The following LAMA2 variants were observed in gnomAD, a reference collection of about 807,000 sequenced individuals.
LAMA2 encodes the protein laminin subunit alpha-2.
Under a neutral mutation model 364.8 loss-of-function variants are expected in LAMA2, and 269 were observed. That is an observed-to-expected ratio of 0.74 (90% CI 0.67 to 0.82). The LOEUF (loss-of-function observed/expected upper bound fraction) is 0.82, where lower values mean the gene tolerates loss of function less well. LAMA2 is among the 40% of genes least tolerant of loss of function. LAMA2 has a pLI of 0.00. For missense variants in LAMA2, 3,807 were observed against 3,873.2 expected, an observed-to-expected ratio of 0.98 and a Z score of 0.45; for synonymous variants, 1,379 against 1,370.6, an observed-to-expected ratio of 1.01 and a Z score of -0.14.
At position 128,910,863 on chromosome 6, in the gene LAMA2, C is replaced by A. The variant is rs555522904; in HGVS notation, c.112+27506C>A. Among the ~76,000 whole-genome samples, 1,058 of 150,860 alleles carry A rather than the reference C, an allele frequency of 7.0e-3. 9 individuals are homozygous for A. Among genetic ancestry groups the A allele is most frequent in the Middle Eastern group, 0.014 (4 of 292 alleles). On this transcript the variant is annotated intron_variant, in intron 1 of 64. Coordinates refer to ENST00000421865, the MANE Select transcript of LAMA2 (RefSeq NM_000426.4). ...TTAGTTTTCCTTCTAACAGACAGGA[C>A]CCTCAACTGCAGGTCTGTTGGAGTA...
Position 129,454,307 on chromosome 6 carries a change from A to T in LAMA2, c.6707+19A>T, listed in dbSNP as rs1159830017. 8 of 1,589,956 alleles carry T rather than the reference A, an allele frequency of 5.0e-6. No individual in the cohort carries two copies. Among genetic ancestry groups the T allele is most frequent in the Non-Finnish European group, 6.9e-6 (8 of 1,160,188 alleles). ...CATCAAGGTAACCAACTTAATAAAG[A>T]TTAAGATAATTAAATGATAGAATTT... On this transcript the variant is annotated intron_variant, in intron 47 of 64. Coordinates refer to ENST00000421865, the MANE Select transcript of LAMA2 (RefSeq NM_000426.4).
rs576076359 is a variant in LAMA2, at chr6:129,504,338, A to G, written c.8548-862A>G. ...GAAAAAGACATATTGTTGAACCACA[A>G]TGAGGCTGGGATTAAGAAAGGGAAC... On this transcript the variant is annotated intron_variant, in intron 60 of 64. Coordinates refer to ENST00000421865, the MANE Select transcript of LAMA2 (RefSeq NM_000426.4). Among the ~76,000 whole-genome samples, 4 of 152,346 alleles carry G rather than the reference A, an allele frequency of 2.6e-5. No individual in the cohort carries two copies. The East Asian group carries it at 7.7e-4, about 29-fold the overall frequency.
intron 1 of LAMA2, among the ~76,000 whole-genome samples, chr6:129,016,956 T>A (rs1785116570): frequency 6.6e-6 from 1 of 151,826 alleles, no homozygotes; most frequent in Non-Finnish European, 1.5e-5. Flanking sequence ...ACACCCCATT[T>A]CCTTGTCACT....
chr6:129,268,416 A>G (rs958991205), intron 16 of LAMA2, among the ~76,000 whole-genome samples: 2 of 152,104 alleles, frequency 1.3e-5, no homozygotes, highest in African/African-American at 4.8e-5. Flanking sequence ...CAAAACTGAC[A>G]TGGAATTGTT....
chr6:129,435,403 G>A (rs1781785553), intron 41 of LAMA2, among the ~76,000 whole-genome samples: 1 of 152,070 alleles, frequency 6.6e-6, no homozygotes, highest in Non-Finnish European at 1.5e-5. Flanking sequence ...GCTTTTGGTA[G>A]CCTATCCAAA....
At chr6:129,380,685 T>C (rs1019579740) in intron 34 of LAMA2, among the ~76,000 whole-genome samples, 1 of 152,208 alleles carries the variant, frequency 6.6e-6, no homozygotes, top group African/African-American at 2.4e-5. Flanking sequence ...GACAATGGGA[T>C]ACAAGAAGGT....
chr6:128,922,707 G>A (rs2114491937), intron 1 of LAMA2, among the ~76,000 whole-genome samples: 1 of 152,214 alleles, frequency 6.6e-6, no homozygotes, highest in South Asian at 2.1e-4. Context: ...AAGCTCTTTA[G>A]TTTAATTAGA....
intron 1 of LAMA2, among the ~76,000 whole-genome samples, chr6:128,946,365 C>T (rs1780485256): frequency 6.6e-6 from 1 of 152,184 alleles, no homozygotes; most frequent in Non-Finnish European, 1.5e-5. Flanking sequence ...TACCTGGCAA[C>T]ACAGTACACT....
chr6:128,995,731 G>A (rs1202701896), intron 1 of LAMA2, among the ~76,000 whole-genome samples: 1 of 151,996 alleles, frequency 6.6e-6, no homozygotes, highest in African/African-American at 2.4e-5. Flanking sequence ...CTTTAAATCA[G>A]TAATTTTTTA....
rs1300717122 is a variant in LAMA2, at chr6:129,297,772, A to AG, written c.2945dup (p.Ser982ArgfsTer16). ...GTCTAAGTCATTCGACTGTGAAGAGAGTGGACAATGTTGGTGCCAACCTGG... is the reference window on the plus strand; with the variant it reads ...GTCTAAGTCATTCGACTGTGAAGAGAGGTGGACAATGTTGGTGCCAACCTGG... On this transcript the variant is annotated frameshift_variant, in exon 21 of 65. Coordinates refer to ENST00000421865, the MANE Select transcript of LAMA2 (RefSeq NM_000426.4). LOFTEE classifies it high-confidence loss of function. 1 of 1,614,136 alleles carries AG rather than the reference A, an allele frequency of 6.2e-7. No individual in the cohort carries two copies. Among genetic ancestry groups the AG allele is most frequent in the East Asian group, 2.2e-5 (1 of 44,882 alleles).
chr6:129,345,739 G>A (rs1776510753), intron 30 of LAMA2, among the ~76,000 whole-genome samples: 1 of 151,920 alleles, frequency 6.6e-6, no homozygotes, highest in African/African-American at 2.4e-5. Flanking sequence ...ATTTAATTTT[G>A]TTATTTTACA....
At chr6:129,137,579 T>A (rs1216533497) in intron 4 of LAMA2, among the ~76,000 whole-genome samples, 4 of 152,062 alleles carry the variant, frequency 2.6e-5, no homozygotes, top group Non-Finnish European at 4.4e-5. Context: ...AATAAATTTA[T>A]ACTAGAATTT....
intron 1 of LAMA2, among the ~76,000 whole-genome samples, chr6:129,020,761 A>C (rs1055775449): frequency 6.6e-6 from 1 of 152,044 alleles, no homozygotes; most frequent in Non-Finnish European, 1.5e-5. Context: ...CCCTTAGATA[A>C]GGGGGAACTT....
At chr6:129,026,749 T>C (rs549511951) in intron 1 of LAMA2, among the ~76,000 whole-genome samples, 14 of 152,256 alleles carry the variant, frequency 9.2e-5, no homozygotes, top group African/African-American at 3.1e-4. Context: ...TAATTTAATA[T>C]TCGTGGAAGA....
At chr6:129,117,698 C>T (rs771582349) in intron 4 of LAMA2, among the ~76,000 whole-genome samples, 4 of 152,174 alleles carry the variant, frequency 2.6e-5, no homozygotes, top group Middle Eastern at 3.2e-3. Context: ...TCACATTCCC[C>T]GATCACATGC....
chr6:128,994,255 A>T (rs530020301), intron 1 of LAMA2, among the ~76,000 whole-genome samples: 2 of 152,350 alleles, frequency 1.3e-5, no homozygotes, highest in African/African-American at 4.8e-5. Flanking sequence ...GCATTAGCTT[A>T]GTCAGTTTAC....
chr6:129,336,795 A>C (rs1243483937), intron 29 of LAMA2, among the ~76,000 whole-genome samples: 1 of 152,194 alleles, frequency 6.6e-6, no homozygotes, highest in East Asian at 1.9e-4. Context: ...CCCAGAGTAC[A>C]CTCTAGTGAT....
chr6:129,015,122 A>G (rs984189533), intron 1 of LAMA2, among the ~76,000 whole-genome samples: 5 of 152,182 alleles, frequency 3.3e-5, no homozygotes, highest in African/African-American at 1.2e-4. Flanking sequence ...GTTTAAATTC[A>G]GGTAATCTTA....
At chr6:129,014,491 A>C (rs1784959832) in intron 1 of LAMA2, among the ~76,000 whole-genome samples, 1 of 152,132 alleles carries the variant, frequency 6.6e-6, no homozygotes, top group Non-Finnish European at 1.5e-5. Context: ...TATTCTCCAG[A>C]TTTCAGCAGC....
Sources: allele counts gnomAD v4.1 joint callset (sites outside exome capture counted in the v4.1 genomes callset), GRCh38; gene constraint gnomAD v4.1.1; transcripts MANE v1.5; gene names NCBI Gene and HGNC (gene_info 2026-07-23, HGNC 2026-07-21).